The following KDM5B variants were observed in gnomAD, a reference collection of about 807,000 sequenced individuals.
KDM5B encodes the protein lysine-specific demethylase 5B.
A neutral mutation model predicts 193.4 loss-of-function variants in KDM5B; 144 were observed. The observed-to-expected ratio is 0.74, with a 90% CI of 0.65 to 0.86. The LOEUF (loss-of-function observed/expected upper bound fraction) is 0.86. Ranked by LOEUF, KDM5B falls within the 40% of genes least tolerant of loss-of-function variation. The probability of loss-of-function intolerance (pLI) is 0.00; values close to 1 mark genes in which losing one functional copy is unlikely to be tolerated. For missense variants in KDM5B, 1,833 were observed against 1,886.9 expected (o/e 0.97, Z 0.53); for synonymous variants, 668 against 682.6 (o/e 0.98, Z 0.33).
At chr1:202,788,390 G>A (rs1657499042) in intron 1 of KDM5B, among the ~76,000 whole-genome samples, 1 of 152,152 alleles carries the variant, frequency 6.6e-6, no homozygotes, top group Admixed American at 6.5e-5. Context: ...TTTAGCTTCT[G>A]AATATGAAAT....
At chr1:202,766,325 G>C in intron 5 of KDM5B, 1 of 290,498 alleles carries the variant, frequency 3.4e-6, no homozygotes, top group Non-Finnish European at 6.7e-6. Flanking sequence ...CTAACACGGT[G>C]AAATCGGTCT....
chr1:202,787,221 G>A (rs1188067288), intron 1 of KDM5B, among the ~76,000 whole-genome samples: 4 of 152,088 alleles, frequency 2.6e-5, no homozygotes, highest in Non-Finnish European at 5.9e-5. Flanking sequence ...TGTTGACTAA[G>A]TTGGTCTCAA....
chr1:202,729,449 C>T, intron 26 of KDM5B: 1 of 589,910 alleles, frequency 1.7e-6, no homozygotes, highest in Non-Finnish European at 3.0e-6. Flanking sequence ...ATCCCTCCCA[C>T]CTTCTTAGCG....
At chr1:202,785,640 G>A (rs895299495) in intron 1 of KDM5B, among the ~76,000 whole-genome samples, 1 of 152,168 alleles carries the variant, frequency 6.6e-6, no homozygotes, top group Non-Finnish European at 1.5e-5. Flanking sequence ...GGGAAGGTGT[G>A]GTGGCTCACG....
At chr1:202,746,667 T>C (rs1655573463) in intron 14 of KDM5B, 1 of 166,826 alleles carries the variant, frequency 6.0e-6, no homozygotes, top group African/African-American at 2.4e-5. Context: ...GAGGTATAGA[T>C]AAGATTAAAA....
chr1:202,807,819 G>A lies in KDM5B; in HGVS notation c.204+283C>T, dbSNP rs577871165. On this transcript the variant is annotated intron_variant, in intron 1 of 26. Coordinates refer to ENST00000367265, the MANE Select transcript of KDM5B (RefSeq NM_006618.5). ...TCCTGCCATCACTCCATCCGGAACC[G>A]AACCCGAACCTCCGCACCCGGCCGC... Among the ~76,000 whole-genome samples, 1,176 of 151,572 alleles carry A rather than the reference G, an allele frequency of 7.8e-3. 8 individuals are homozygous for A. Among genetic ancestry groups the A allele is most frequent in the Non-Finnish European group, 0.013 (884 of 67,830 alleles).
intron 1 of KDM5B, among the ~76,000 whole-genome samples, chr1:202,785,009 CAA>C (rs11445160): frequency 5.7e-4 from 51 of 89,286 alleles, no homozygotes; most frequent in Admixed American, 5.5e-4. Context: ...GAGCCTGTCT[CAA>C]AAAAAAAAAA....
At chr1:202,741,303 C>T (rs1246257343) in intron 19 of KDM5B, 64 bp downstream of exon 19, 5 of 1,181,214 alleles carry the variant, frequency 4.2e-6, no homozygotes, top group Non-Finnish European at 5.9e-6. Flanking sequence ...AATCATTGTG[C>T]TCTGTGTTTA....
intron 9 of KDM5B, 68 bp downstream of exon 9, chr1:202,758,323 G>T: frequency 1.4e-6 from 2 of 1,383,962 alleles, no homozygotes; most frequent in Non-Finnish European, 2.0e-6. Flanking sequence ...ACTAAAAATG[G>T]GTCTTCAGGT....
chr1:202,789,413 G>A (rs1338384637), intron 1 of KDM5B, among the ~76,000 whole-genome samples: 1 of 150,386 alleles, frequency 6.6e-6, no homozygotes, highest in African/African-American at 2.5e-5. Context: ...CCCAGCTACT[G>A]GGGAGGCTGA....
intron 14 of KDM5B, 183 bp from the exon 15 acceptor site, chr1:202,746,506 T>C (rs1242866525): frequency 2.0e-6 from 1 of 493,430 alleles, no homozygotes; most frequent in Non-Finnish European, 3.5e-6. Flanking sequence ...GCAAGTTCAT[T>C]TGTCTAGGGA....
chr1:202,750,044 T>C (rs1231319782), intron 13 of KDM5B, among the ~76,000 whole-genome samples: 2 of 152,212 alleles, frequency 1.3e-5, no homozygotes, highest in Non-Finnish European at 2.9e-5. Flanking sequence ...CTGGAATTAT[T>C]TATCAGTTTG....
intron 1 of KDM5B, among the ~76,000 whole-genome samples, chr1:202,799,232 C>T (rs985025087): frequency 2.0e-5 from 3 of 152,166 alleles, no homozygotes; most frequent in Non-Finnish European, 2.9e-5. Flanking sequence ...GACAAGCATA[C>T]GTTGCAGAAA....
At chr1:202,732,213 C>T (rs992762895) in intron 23 of KDM5B, 1 of 402,398 alleles carries the variant, frequency 2.5e-6, no homozygotes, top group Non-Finnish European at 4.5e-6. Context: ...GCCACTTTCT[C>T]AGTGTGAGAA....
At chr1:202,748,218 C>T (rs190479784) in intron 14 of KDM5B, among the ~76,000 whole-genome samples, 40 of 152,038 alleles carry the variant, frequency 2.6e-4, no homozygotes, top group Admixed American at 2.6e-3. Context: ...AAAAAATGAA[C>T]CTTGACTCAT....
At chr1:202,785,682 C>T (rs1269347511) in intron 1 of KDM5B, among the ~76,000 whole-genome samples, 3 of 152,060 alleles carry the variant, frequency 2.0e-5, no homozygotes, top group South Asian at 2.1e-4. Flanking sequence ...GAAGCCAAGG[C>T]GGGCAGATCA....
At chr1:202,795,728 T>C (rs1485917888) in intron 1 of KDM5B, among the ~76,000 whole-genome samples, 1 of 151,610 alleles carries the variant, frequency 6.6e-6, no homozygotes, top group Admixed American at 6.6e-5. Context: ...TAACAGAAGA[T>C]ATATTTGAAT....
chr1:202,806,826 G>GGAA lies in KDM5B; in HGVS notation c.204+1273_204+1275dup, dbSNP rs1658312533. The GGAA allele has an allele frequency of 2.6e-5, 4 of 152,304 alleles. No individual in the cohort carries two copies. The Middle Eastern group carries it at 0.014, about 518-fold the overall frequency. The allele number at this position is 152,304 out of a possible 1,614,324, so 9.4% of individuals were successfully genotyped here. On this transcript the variant is annotated intron_variant, in intron 1 of 26. Transcript: ENST00000367265. Reference sequence around the variant, plus strand: ...TCCTCTACTTAGAAGTGGGGGTGGGGGAAGAGAGTGGGGAGAAGATTCTTA... The same window carrying GGAA: ...TCCTCTACTTAGAAGTGGGGGTGGGGGAAGAAGAGAGTGGGGAGAAGATTCTTA...
Position 202,741,660 on chromosome 1 carries a change from C to T in KDM5B, c.2652G>A (p.Thr884=), listed in dbSNP as rs1303145739. The change falls in exon 19 of 27, where the codon ACG becomes ACA. Residue 884 remains threonine (T), a synonymous_variant. Coordinates refer to ENST00000367265, the MANE Select transcript of KDM5B (RefSeq NM_006618.5). ...QHSQKLLSEE[T]PSAAELQDLL... Reference sequence around the variant, plus strand: ...AGTCCTGCAGCTCCGCAGCACTAGGCGTTTCCTCAGAGAGTAGTTTCTGAC... The same window carrying T: ...AGTCCTGCAGCTCCGCAGCACTAGGTGTTTCCTCAGAGAGTAGTTTCTGAC... The T allele has an allele frequency of 3.1e-6, 5 of 1,613,948 alleles. No homozygotes were observed. Among genetic ancestry groups the T allele is most frequent in the East Asian group, 2.2e-5 (1 of 44,886 alleles).
Sources: allele counts gnomAD v4.1 joint callset (sites outside exome capture counted in the v4.1 genomes callset), GRCh38; gene constraint gnomAD v4.1.1; transcripts MANE v1.5; gene names NCBI Gene and HGNC (gene_info 2026-07-23, HGNC 2026-07-21).